Variants in SOCS7 observed in about 807,000 individuals in gnomAD.
SOCS7 encodes the protein NAP-4.
SOCS7 carries 18 observed loss-of-function variants against 58.9 expected under a neutral mutation model. The ratio of observed to expected loss-of-function variants is 0.31; its 90% CI spans 0.21 to 0.45. The LOEUF is 0.45. Ranked by LOEUF, SOCS7 falls within the 20% of genes least tolerant of loss-of-function variation. The pLI, the probability that SOCS7 is intolerant of heterozygous loss-of-function variation, is 1.00. For synonymous variants in SOCS7, 388 were observed against 364.3 expected (o/e 1.06, Z -0.74); for missense variants, 667 against 837.3 (o/e 0.80, Z 2.51).
Position 38,401,858 on chromosome 17 carries a change from C to G in SOCS7, c.*2376C>G, listed in dbSNP as rs2038323171. 1 of 152,324 alleles carries G rather than the reference C, an allele frequency of 6.6e-6. No homozygotes were observed. The highest frequency in any genetic ancestry group is 2.1e-4 in the South Asian group (1 of 4,828). 9.4% of individuals were successfully genotyped at this position (152,324 alleles called of 1,614,324 possible). A position where few individuals can be genotyped will look rare whatever the true frequency, so the allele number is the denominator to read the frequency against. On this transcript the variant is annotated 3_prime_UTR_variant, in exon 10 of 10. Coordinates refer to ENST00000612932, the MANE Select transcript of SOCS7 (RefSeq NM_014598.4). ...GTGCGGTTTTCTAGATGGAAGCTTC[C>G]CAGCCACCAGGCAGACCTGAGTGCC...
At position 38,405,247 on chromosome 17, in the gene SOCS7, A is replaced by G. The variant is rs2038376477; in HGVS notation, c.*5765A>G. ...AGGGGTCTGAGGGTGGGATGGGGAA[A>G]GGGAAAGAGGTTTTGATATAAACAA... On this transcript the variant is annotated 3_prime_UTR_variant, in exon 10 of 10. Coordinates refer to ENST00000612932, the MANE Select transcript of SOCS7 (RefSeq NM_014598.4). 6.6e-6 allele frequency: 1 copy of G among 152,120 alleles called. No homozygotes were observed. 9.4% of individuals were successfully genotyped at this position (152,120 alleles called of 1,614,324 possible). A position where few individuals can be genotyped will look rare whatever the true frequency, so the allele number is the denominator to read the frequency against.
At chr17:38,355,062 C>G (rs1386954163) in intron 1 of SOCS7, among the ~76,000 whole-genome samples, 1 of 152,100 alleles carries the variant, frequency 6.6e-6, no homozygotes, top group East Asian at 1.9e-4. Flanking sequence ...ATTTTTTGGT[C>G]CAAGGGCTTT....
At position 38,372,593 on chromosome 17, in the gene SOCS7, T is replaced by A. The variant is rs571192565; in HGVS notation, c.1552+4543T>A. Among the ~76,000 whole-genome samples, 10 of 152,300 alleles carry A rather than the reference T, an allele frequency of 6.6e-5. No homozygotes were observed. In the South Asian group the frequency reaches 2.1e-3, roughly 32 times the overall value. On this transcript the variant is annotated intron_variant, in intron 6 of 9. Transcript: ENST00000612932. ...CACAGTAAAAATTGATCTCTCATGG[T>A]TCTTGTATAGTTTTCATTGTGTTTA...
At position 38,377,793 on chromosome 17, in the gene SOCS7, G is replaced by A; in HGVS notation, c.1632G>A (p.Met544Ile). Residue 544 changes from methionine to isoleucine, a missense_variant, in exon 7 of 10, where the codon ATG becomes ATA. This residue lies in a region of SOCS7 where 76 missense variants were observed against 194.5 expected (regional missense o/e 0.39). Transcript: ENST00000612932. ...SVVEFIKRAI[M>I]HSKNGKFLYF... ...TAGAGTTTATTAAGAGAGCCATTAT[G>A]CACTCCAAGAATGGAAAGTTTCTCT... 6.2e-7 allele frequency: 1 copy of A among 1,613,566 alleles called. No individual in the cohort carries two copies. The highest frequency in any genetic ancestry group is 8.5e-7 in the Non-Finnish European group (1 of 1,179,530).
rs2037558512 is a variant in SOCS7 at position 38,351,984 on chromosome 17, C to T, written c.-69C>T. ...TCCGGGGGCCGCGGCGGGCGGGGCT[C>T]CGGCGGGGCCCGGCCTAGTCCCCAC... On this transcript the variant is annotated 5_prime_UTR_variant, in exon 1 of 10. Transcript: ENST00000612932. 6.6e-6 allele frequency among the ~76,000 whole-genome samples: 1 copy of T among 151,018 alleles called. No individual in the cohort carries two copies. Among genetic ancestry groups the T allele is most frequent in the African/African-American group, 2.4e-5 (1 of 41,302 alleles).
At position 38,365,214 on chromosome 17, in the gene SOCS7, G is replaced by A. The variant is rs1597689037; in HGVS notation, c.1151-94G>A. 6 of 897,096 alleles carry A rather than the reference G, an allele frequency of 6.7e-6. No homozygotes were observed. The South Asian group carries it at 8.5e-5, about 13-fold the overall frequency. The allele number at this position is 897,096 out of a possible 1,614,324, so 55.6% of individuals were successfully genotyped here. A position where few individuals can be genotyped will look rare whatever the true frequency, so the allele number is the denominator to read the frequency against. Reference sequence around the variant, plus strand: ...AAGGTTGGGCCATCCTGCCCCAGAGGGCAGCCTGATAGTCCTTCTCCCTCT... The same window carrying A: ...AAGGTTGGGCCATCCTGCCCCAGAGAGCAGCCTGATAGTCCTTCTCCCTCT... On this transcript the variant is annotated intron_variant, in intron 3 of 9. Coordinates refer to ENST00000612932, the MANE Select transcript of SOCS7 (RefSeq NM_014598.4).
At chr17:38,389,690 C>CT (rs58329812) in intron 7 of SOCS7, among the ~76,000 whole-genome samples, 6,709 of 124,784 alleles carry the variant, frequency 0.054, 199 homozygotes, top group Middle Eastern at 0.24. Flanking sequence ...CCTATTCCAA[C>CT]TTTTTTTTTT....
rs2037569534 is a variant in SOCS7 at position 38,352,532 on chromosome 17, G to T, written c.480G>T (p.Pro160=). The change falls in exon 1 of 10, where the codon CCG becomes CCT. Residue 160 remains proline, a synonymous_variant. Coordinates refer to ENST00000612932, the MANE Select transcript of SOCS7 (RefSeq NM_014598.4). The surrounding 1 kb of genome is among the most constrained non-coding windows in gnomAD (Gnocchi z 5.5). ...PPQPPPPQPQ[P]PAAAPQAGED... is the part of the protein sequence containing the mutation. The stretch of plus-strand genomic sequence containing the variant: ...AGCCGCCCCCTCCGCAGCCCCAGCC[G>T]CCTGCTGCCGCCCCGCAGGCCGGGG... The T allele has an allele frequency of 2.6e-6, 4 of 1,547,850 alleles. No homozygotes were observed. Among genetic ancestry groups the T allele is most frequent in the Admixed American group, 3.9e-5 (2 of 50,762 alleles).
chr17:38,393,982 C>G (rs746325033), intron 7 of SOCS7, among the ~76,000 whole-genome samples: 103 of 152,340 alleles, frequency 6.8e-4, no homozygotes, highest in Non-Finnish European at 1.2e-3. Context: ...TCAGTTGTGT[C>G]TATAGAATGT....
chr17:38,393,835 G>T (rs908698439), intron 7 of SOCS7, among the ~76,000 whole-genome samples: 3 of 152,002 alleles, frequency 2.0e-5, no homozygotes, highest in Non-Finnish European at 4.4e-5. Flanking sequence ...GGGAGGCAGA[G>T]CTTGTAGTGA....
Position 38,352,488 on chromosome 17 carries a change from C to G in SOCS7, c.436C>G (p.Pro146Ala). 6.5e-7 allele frequency: 1 copy of G among 1,529,994 alleles called. No homozygotes were observed. The highest frequency in any genetic ancestry group is 8.8e-7 in the Non-Finnish European group (1 of 1,137,512). The allele number at this position is 1,529,994 out of a possible 1,614,324, so 94.8% of individuals were successfully genotyped here. A position where few individuals can be genotyped will look rare whatever the true frequency, so the allele number is the denominator to read the frequency against. Residue 146 changes from proline to alanine, a missense_variant, in exon 1 of 10, where the codon CCG becomes GCG. Pro to Ala is a conservative substitution (Grantham distance 27). This residue lies in a region of SOCS7 where 154 missense variants were observed against 156.3 expected (regional missense o/e 0.98). Transcript: ENST00000612932. The surrounding 1 kb of genome is among the most constrained non-coding windows in gnomAD (Gnocchi z 5.5). ...CAAGACAGTCGGTGGGGGTTGCTGC[C>G]CGTGTCCGTGTCCTCCTCAGCCGCC... Reference protein sequence around the residue: ...GVKTVGGGCCPCPCPPQPPPP... With the variant: ...GVKTVGGGCCACPCPPQPPPP...
chr17:38,387,151 A>ATATATATATGTG (rs2038086192), intron 7 of SOCS7, among the ~76,000 whole-genome samples: 2 of 113,070 alleles, frequency 1.8e-5, no homozygotes, highest in African/African-American at 8.2e-5. Flanking sequence ...ATATATATAT[A>ATATATATATGTG]TGATTAATTC....
chr17:38,390,894 C>T (rs1485837578), intron 7 of SOCS7, among the ~76,000 whole-genome samples: 1 of 152,028 alleles, frequency 6.6e-6, no homozygotes, highest in Non-Finnish European at 1.5e-5. Context: ...TGGGGTCTCA[C>T]CGCATTGCCC....
At chr17:38,389,788 T>C (rs1597709626) in intron 7 of SOCS7, among the ~76,000 whole-genome samples, 1 of 139,674 alleles carries the variant, frequency 7.2e-6, no homozygotes, top group East Asian at 2.1e-4. Flanking sequence ...ACTTAAACTT[T>C]TAGCTTTTAC....
intron 7 of SOCS7, among the ~76,000 whole-genome samples, chr17:38,383,655 T>G (rs2038031309): frequency 6.6e-6 from 1 of 152,112 alleles, no homozygotes; most frequent in African/African-American, 2.4e-5. Flanking sequence ...CCTCCTGGGT[T>G]CAAGCAATTC....
chr17:38,375,235 A>G (rs1319493840), intron 6 of SOCS7, among the ~76,000 whole-genome samples: 1 of 152,056 alleles, frequency 6.6e-6, no homozygotes, highest in African/African-American at 2.4e-5. Flanking sequence ...AAATTATAAC[A>G]TTTCCATAAA....
chr17:38,378,810 G>C lies in SOCS7; in HGVS notation c.1681+968G>C, dbSNP rs575595042. Among the ~76,000 whole-genome samples, 9 of 152,242 alleles carry C rather than the reference G, an allele frequency of 5.9e-5. No individual in the cohort carries two copies. In the South Asian group the frequency reaches 1.9e-3, roughly 32 times the overall value. ...TTGTTTGGAGCAATCTGCCTTTATAGTGTTGGGTAAGACAAAATGACACGG... is the reference window on the plus strand; with the variant it reads ...TTGTTTGGAGCAATCTGCCTTTATACTGTTGGGTAAGACAAAATGACACGG... On this transcript the variant is annotated intron_variant, in intron 7 of 9. Coordinates refer to ENST00000612932, the MANE Select transcript of SOCS7 (RefSeq NM_014598.4).
intron 7 of SOCS7, among the ~76,000 whole-genome samples, chr17:38,385,503 T>C (rs920111190): frequency 9.9e-5 from 15 of 151,876 alleles, no homozygotes; most frequent in Admixed American, 2.6e-4. Context: ...TTAATATTAT[T>C]ATAAGGTGAA....
chr17:38,385,255 A>T (rs1291339194), intron 7 of SOCS7, among the ~76,000 whole-genome samples: 1 of 151,330 alleles, frequency 6.6e-6, no homozygotes, highest in African/African-American at 2.4e-5. Context: ...TTTTTCTTGC[A>T]ATTTATATAT....
Sources: gnomAD v4.1 joint callset for allele counts (sites outside exome capture counted in the v4.1 genomes callset) on GRCh38, gnomAD v4.1.1 for gene constraint, gnomAD v4.1.1 regional missense constraint, Gnocchi (gnomAD v3.1) non-coding constraint, MANE v1.5 for transcripts, NCBI Gene and HGNC (gene_info 2026-07-23, HGNC 2026-07-21) for gene names.